Variants in FBXO24 observed in about 807,000 individuals in gnomAD.
FBXO24 encodes the protein F-box protein 24, also known as F-box only protein 24.
FBXO24 carries 30 observed loss-of-function variants against 63.5 expected under a neutral mutation model. The observed-to-expected ratio is 0.47, with a 90% CI of 0.35 to 0.64. The LOEUF is 0.64. FBXO24 is among the 30% of genes least tolerant of loss of function. FBXO24 has a pLI of 0.00. For synonymous variants in FBXO24, 300 were observed against 305.0 expected (o/e 0.98, Z 0.17); for missense variants, 624 against 763.4 (o/e 0.82, Z 2.15).
rs1802036306 is a variant in FBXO24, at chr7:100,591,699, GGCC to G, written c.363_365del (p.Arg122del). ...GGGCCTGTATTTCCAGGCATTTGGAGGCCGCCGCCGATGTCTCAGCAAGAGCGT... is the reference window on the plus strand; with the variant it reads ...GGGCCTGTATTTCCAGGCATTTGGAGGCCGCCGATGTCTCAGCAAGAGCGT... On this transcript the variant is annotated inframe_deletion, in exon 4 of 10. Coordinates refer to ENST00000241071, the MANE Select transcript of FBXO24 (RefSeq NM_033506.3). 6.2e-6 allele frequency: 10 copies of G among 1,614,182 alleles called. No individual in the cohort carries two copies. The East Asian group carries it at 2.0e-4, about 32-fold the overall frequency.
chr7:100,595,528 C>A, intron 7 of FBXO24, 47 bp from the exon 8 acceptor site: 1 of 1,536,446 alleles, frequency 6.5e-7, no homozygotes, highest in Admixed American at 2.0e-5. Flanking sequence ...CTCAGAGTTC[C>A]TCTGGAGGGA....
At position 100,600,774 on chromosome 7, in the gene FBXO24, AAGG is replaced by A; in HGVS notation, c.1621_1623del (p.Glu541del). On this transcript the variant is annotated inframe_deletion, in exon 10 of 10. Coordinates refer to ENST00000241071, the MANE Select transcript of FBXO24 (RefSeq NM_033506.3). The surrounding 1 kb of genome is among the most constrained non-coding windows in gnomAD (Gnocchi z 6.3). ...GTTGCAGGACCGCACGGAGAAGATG[AAGG>A]AGATCGTAGGGTGGATGCCCCTGAT... The A allele has an allele frequency of 6.2e-7, 1 of 1,613,970 alleles. No homozygotes were observed. Among genetic ancestry groups the A allele is most frequent in the Non-Finnish European group, 8.5e-7 (1 of 1,179,936 alleles).
chr7:100,589,614 G>T, intron 1 of FBXO24: 2 of 1,456,492 alleles, frequency 1.4e-6, no homozygotes, highest in Non-Finnish European at 9.1e-7. Flanking sequence ...AGGGGCCTCA[G>T]AGGTCCCCCA....
chr7:100,595,740 C>T, intron 8 of FBXO24, 34 bp downstream of exon 8: 1 of 1,543,782 alleles, frequency 6.5e-7, no homozygotes, highest in South Asian at 1.2e-5. Context: ...TCATCCCAAC[C>T]CCTTTCCTCC....
In FBXO24 at chr7:100,586,631, C is replaced by A. The variant is rs747883269; in HGVS notation, c.6C>A (p.Gly2=). The change falls in exon 1 of 10, where the codon GGC becomes GGA. Residue 2 remains glycine (G), a synonymous_variant. Coordinates refer to ENST00000241071, the MANE Select transcript of FBXO24 (RefSeq NM_033506.3). M[G]EKAVPLLRRR... is the part of the protein sequence containing the mutation. The stretch of plus-strand genomic sequence containing the variant: ...CGGCTCTACCTACCAATAGCATGGG[C>A]GAGAAGGCGGTCCCTTTGCTAAGGA... The A allele has an allele frequency of 6.2e-7, 1 of 1,614,190 alleles. No individual in the cohort carries two copies. Among genetic ancestry groups the A allele is most frequent in the Admixed American group, 1.7e-5 (1 of 60,030 alleles).
intron 3 of FBXO24, 90 bp downstream of exon 3, chr7:100,590,447 C>G: frequency 1.5e-6 from 2 of 1,331,442 alleles, no homozygotes; most frequent in Non-Finnish European, 2.1e-6. Context: ...CCCCCACACT[C>G]CCAACAGTGC....
At chr7:100,589,511 A>G (rs1801893036) in intron 1 of FBXO24, 3 of 1,351,582 alleles carry the variant, frequency 2.2e-6, no homozygotes, top group South Asian at 4.6e-5. Context: ...GTCCTGGGCA[A>G]GATTAAAGGG....
intron 8 of FBXO24, 42 bp from the exon 9 acceptor site, chr7:100,599,989 C>CG: frequency 6.4e-7 from 1 of 1,572,918 alleles, no homozygotes; most frequent in Non-Finnish European, 8.6e-7. Context: ...CCCCCCGTCC[C>CG]TTGGTGCTCC....
chr7:100,592,597 C>T (rs753592806), intron 4 of FBXO24, among the ~76,000 whole-genome samples, 186 bp from the exon 5 acceptor site: 1 of 152,082 alleles, frequency 6.6e-6, no homozygotes, highest in Non-Finnish European at 1.5e-5. Flanking sequence ...TTTGAGGACC[C>T]AGGCCCCCAT....
chr7:100,595,273 T>C lies in FBXO24; in HGVS notation c.1074+50T>C, dbSNP rs777320972. ...AACCAGAGGGGTGGCGCTGTAGGGA[T>C]TGGAAGGTCTGAAGTATTATAGGAA... On this transcript the variant is annotated intron_variant, in intron 7 of 9. Coordinates refer to ENST00000241071, the MANE Select transcript of FBXO24 (RefSeq NM_033506.3). 7.4e-6 allele frequency: 12 copies of C among 1,612,806 alleles called. No individual in the cohort carries two copies. In the East Asian group the frequency reaches 1.1e-4, roughly 15 times the overall value.
chr7:100,599,972 C>G (rs985257076), intron 8 of FBXO24, 59 bp from the exon 9 acceptor site: 71 of 1,368,052 alleles, frequency 5.2e-5, no homozygotes, highest in Middle Eastern at 5.1e-4. Context: ...CCTTTTCCCA[C>G]CCCAGCCCCC....
chr7:100,594,605 C>T lies in FBXO24; in HGVS notation c.952+64C>T, dbSNP rs982177365. 1.5e-5 allele frequency: 21 copies of T among 1,428,160 alleles called. No individual in the cohort carries two copies. Among genetic ancestry groups the T allele is most frequent in the Non-Finnish European group, 1.9e-5 (21 of 1,086,136 alleles). The allele number at this position is 1,428,160 out of a possible 1,614,324, so 88.5% of individuals were successfully genotyped here. A position where few individuals can be genotyped will look rare whatever the true frequency, so the allele number is the denominator to read the frequency against. ...GGTTAGACCCTCTAAACATCAACAC[C>T]CTTCACCCTTACTCCAGCTGCATGG... On this transcript the variant is annotated intron_variant, in intron 6 of 9. Transcript: ENST00000241071. The surrounding 1 kb of genome is among the most constrained non-coding windows in gnomAD (Gnocchi z 4.2).
intron 8 of FBXO24, among the ~76,000 whole-genome samples, chr7:100,597,023 C>T (rs1049109723): frequency 3.9e-5 from 6 of 152,140 alleles, no homozygotes; most frequent in African/African-American, 9.7e-5. Context: ...GCCTGGGCAA[C>T]GGAGAGAGAC....
chr7:100,589,771 G>T, intron 1 of FBXO24: 2 of 1,538,934 alleles, frequency 1.3e-6, no homozygotes, highest in Non-Finnish European at 1.8e-6. Flanking sequence ...ACCAGGCTGT[G>T]TGGACGGGAG....
intron 8 of FBXO24, among the ~76,000 whole-genome samples, chr7:100,597,884 G>GTTTTTTTTTTTTTTT (rs1393606783): frequency 7.3e-6 from 1 of 136,256 alleles, no homozygotes; most frequent in Non-Finnish European, 1.6e-5. Context: ...TGTTTTTTTT[G>GTTTTTTTTTTTTTTT]TTTTTTTTGT....
intron 8 of FBXO24, among the ~76,000 whole-genome samples, chr7:100,597,393 A>C (rs775001626): frequency 6.6e-6 from 1 of 151,924 alleles, no homozygotes; most frequent in Non-Finnish European, 1.5e-5. Context: ...ATTTATTTTT[A>C]TTTTTATTTT....
At chr7:100,587,805 T>G (rs1177809229) in intron 1 of FBXO24, among the ~76,000 whole-genome samples, 1 of 151,432 alleles carries the variant, frequency 6.6e-6, no homozygotes, top group East Asian at 1.9e-4. Flanking sequence ...TTTGCTATGT[T>G]GCCCAGGCTG....
intron 8 of FBXO24, among the ~76,000 whole-genome samples, chr7:100,596,754 G>A (rs1802327126): frequency 6.6e-6 from 1 of 152,104 alleles, no homozygotes; most frequent in Non-Finnish European, 1.5e-5. Flanking sequence ...ATAAGACAGA[G>A]GTGGCTCTGG....
chr7:100,591,629 C>T, intron 3 of FBXO24, 38 bp from the exon 4 acceptor site: 1 of 1,592,868 alleles, frequency 6.3e-7, no homozygotes. Flanking sequence ...CTCGTGTCAT[C>T]TCATCCCTTG....
Sources: gnomAD v4.1 joint callset for allele counts (sites outside exome capture counted in the v4.1 genomes callset) on GRCh38, gnomAD v4.1.1 for gene constraint, Gnocchi (gnomAD v3.1) non-coding constraint, MANE v1.5 for transcripts, NCBI Gene and HGNC (gene_info 2026-07-23, HGNC 2026-07-21) for gene names.